CACNB4: variants seen among roughly 807,000 people sequenced by gnomAD.
CACNB4 encodes voltage-dependent L-type calcium channel subunit beta-4.
Under a neutral mutation model 71.2 loss-of-function variants are expected in CACNB4, and 32 were observed. The ratio of observed to expected loss-of-function variants is 0.45; its 90% CI spans 0.34 to 0.60. The LOEUF (loss-of-function observed/expected upper bound fraction) is 0.60, where lower values mean the gene tolerates loss of function less well. CACNB4 is among the 20% of genes least tolerant of loss of function. The probability of loss-of-function intolerance (pLI) is 0.01; values close to 1 mark genes in which losing one functional copy is unlikely to be tolerated. For missense variants in CACNB4, 464 were observed against 647.9 expected (o/e 0.72, Z 3.08); for synonymous variants, 231 against 236.9 (o/e 0.97, Z 0.23).
chr2:151,976,377 T>C (rs1323952881), intron 2 of CACNB4, among the ~76,000 whole-genome samples: 1 of 152,178 alleles, frequency 6.6e-6, no homozygotes, highest in Non-Finnish European at 1.5e-5. Context: ...TCCTCCGTGA[T>C]AAGAGTTTTC....
At chr2:151,903,172 A>G (rs1051050693) in intron 2 of CACNB4, among the ~76,000 whole-genome samples, 46 of 152,196 alleles carry the variant, frequency 3.0e-4, no homozygotes, top group African/African-American at 1.1e-3. Flanking sequence ...TGTTCTGACT[A>G]CCTTTTATTT....
intron 2 of CACNB4, among the ~76,000 whole-genome samples, chr2:151,923,175 A>T (rs2099859389): frequency 6.6e-6 from 1 of 152,246 alleles, no homozygotes. Context: ...ACCAAACAAA[A>T]GCAACTGCAA....
intron 2 of CACNB4, among the ~76,000 whole-genome samples, chr2:151,905,549 G>A (rs2099854576): frequency 6.6e-6 from 1 of 152,206 alleles, no homozygotes; most frequent in Non-Finnish European, 1.5e-5. Context: ...TAATATGATA[G>A]AATAGCCACA....
chr2:152,058,536 CAA>C (rs1685843225), intron 2 of CACNB4, among the ~76,000 whole-genome samples: 1 of 152,208 alleles, frequency 6.6e-6, no homozygotes, highest in South Asian at 2.1e-4. Flanking sequence ...TGTGCTTTAG[CAA>C]AGAGACTGGC....
At chr2:151,932,641 C>T (rs1243755589) in intron 2 of CACNB4, among the ~76,000 whole-genome samples, 1 of 151,834 alleles carries the variant, frequency 6.6e-6, no homozygotes, top group African/African-American at 2.4e-5. Flanking sequence ...GAAATTTGAC[C>T]CGCCTGGCCA....
intron 2 of CACNB4, among the ~76,000 whole-genome samples, chr2:151,923,737 C>T (rs773983657): frequency 8.5e-5 from 13 of 152,188 alleles, no homozygotes; most frequent in Admixed American, 2.6e-4. Context: ...GATTCTATTC[C>T]TAACCCTCTT....
chr2:151,981,250 T>C (rs1053490837), intron 2 of CACNB4, among the ~76,000 whole-genome samples: 2 of 152,184 alleles, frequency 1.3e-5, no homozygotes, highest in Non-Finnish European at 2.9e-5. Context: ...CTTCATTCCA[T>C]AGAAGATCCT....
chr2:151,928,606 T>C (rs1322842627), intron 2 of CACNB4, among the ~76,000 whole-genome samples: 1 of 152,200 alleles, frequency 6.6e-6, no homozygotes, highest in African/African-American at 2.4e-5. Flanking sequence ...TCTCTGTGCT[T>C]CGTTTGGTAA....
intron 2 of CACNB4, among the ~76,000 whole-genome samples, chr2:151,962,032 C>T (rs771115085): frequency 9.2e-5 from 14 of 152,358 alleles, no homozygotes; most frequent in Non-Finnish European, 1.6e-4. Flanking sequence ...TCTGCTATTG[C>T]ACTGCATGGC....
chr2:151,888,414 A>T (rs1367644762), intron 2 of CACNB4, among the ~76,000 whole-genome samples: 3 of 151,920 alleles, frequency 2.0e-5, no homozygotes, highest in Non-Finnish European at 2.9e-5. Context: ...ATAAATTTTA[A>T]AAAAAAATTA....
intron 2 of CACNB4, among the ~76,000 whole-genome samples, chr2:151,897,244 AC>A (rs1228569688): frequency 6.6e-6 from 1 of 152,252 alleles, no homozygotes; most frequent in African/African-American, 2.4e-5. Flanking sequence ...TCAAGCAAGA[AC>A]ATCTCTTGGA....
chr2:151,878,102 T>C (rs1297824646), intron 4 of CACNB4, among the ~76,000 whole-genome samples: 1 of 152,138 alleles, frequency 6.6e-6, no homozygotes, highest in African/African-American at 2.4e-5. Flanking sequence ...ACCCAAAATA[T>C]ATATATTTAT....
intron 2 of CACNB4, among the ~76,000 whole-genome samples, chr2:151,919,500 T>G (rs188554128): frequency 2.0e-4 from 30 of 152,322 alleles, no homozygotes; most frequent in African/African-American, 6.5e-4. Flanking sequence ...AGGGTGAGAT[T>G]GAGGCAAGAG....
intron 2 of CACNB4, among the ~76,000 whole-genome samples, chr2:151,949,581 G>C (rs1353628758): frequency 6.6e-6 from 1 of 152,126 alleles, no homozygotes; most frequent in Non-Finnish European, 1.5e-5. Flanking sequence ...TGGCTGATAT[G>C]CAAGGATGGC....
chr2:151,910,523 C>A (rs2099855924), intron 2 of CACNB4, among the ~76,000 whole-genome samples: 1 of 152,170 alleles, frequency 6.6e-6, no homozygotes, highest in African/African-American at 2.4e-5. Flanking sequence ...CTGCATATGG[C>A]TAGCTAGTTT....
In CACNB4 at chr2:152,035,501, G is replaced by A. The variant is rs531577295; in HGVS notation, c.147+62829C>T. On this transcript the variant is annotated intron_variant, in intron 2 of 13. Coordinates refer to ENST00000539935, the MANE Select transcript of CACNB4 (RefSeq NM_000726.5). The stretch of plus-strand genomic sequence containing the variant: ...CTTGAACCCGGGAGGCGGAGGTTGC[G>A]GTGAGCTGAGATCGTGCCATTGCAC... Among the ~76,000 whole-genome samples the A allele has an allele frequency of 2.0e-3, 301 of 152,130 alleles. 1 individual carries two copies. The highest frequency in any genetic ancestry group is 6.4e-3 in the African/African-American group (265 of 41,508).
intron 2 of CACNB4, among the ~76,000 whole-genome samples, chr2:152,015,964 T>C (rs1683322499): frequency 6.6e-6 from 1 of 152,274 alleles, no homozygotes; most frequent in Non-Finnish European, 1.5e-5. Flanking sequence ...ATACATCGTT[T>C]ACAAAAATTA....
At chr2:152,024,736 T>C (rs1683870357) in intron 2 of CACNB4, among the ~76,000 whole-genome samples, 1 of 152,192 alleles carries the variant, frequency 6.6e-6, no homozygotes, top group Non-Finnish European at 1.5e-5. Context: ...TTTGCAACAA[T>C]ATGGTGGGCA....
At chr2:151,949,522 A>C (rs1253775386) in intron 2 of CACNB4, among the ~76,000 whole-genome samples, 1 of 152,122 alleles carries the variant, frequency 6.6e-6, no homozygotes, top group Non-Finnish European at 1.5e-5. Context: ...CAAAGGCAAG[A>C]AGGTATAAAA....
Sources: allele counts gnomAD v4.1 joint callset (sites outside exome capture counted in the v4.1 genomes callset), GRCh38; gene constraint gnomAD v4.1.1; transcripts MANE v1.5; gene names NCBI Gene and HGNC (gene_info 2026-07-23, HGNC 2026-07-21).